MICAL3: variants seen among roughly 807,000 people sequenced by gnomAD.
The protein encoded by MICAL3 is [F-actin]-monooxygenase MICAL3.
Under a neutral mutation model 207.4 loss-of-function variants are expected in MICAL3, and 62 were observed. The ratio of observed to expected loss-of-function variants is 0.30; its 90% confidence interval spans 0.24 to 0.37. The LOEUF (loss-of-function observed/expected upper bound fraction) is 0.37, where lower values mean the gene tolerates loss of function less well. Ranked by LOEUF, MICAL3 falls within the 10% of genes least tolerant of loss-of-function variation. MICAL3 has a pLI of 1.00. For synonymous variants in MICAL3, 1,077 were observed against 1,069.3 expected (o/e 1.01, Z -0.14); for missense variants, 2,368 against 2,635.6 (o/e 0.90, Z 2.22).
chr22:17,980,971 A>G (rs774536597), intron 1 of MICAL3: 2 of 512,634 alleles, frequency 3.9e-6, no homozygotes, highest in South Asian at 2.9e-5. Context: ...TCATCTGTCT[A>G]TTGGTCCCCT....
intron 1 of MICAL3, among the ~76,000 whole-genome samples, chr22:18,000,542 C>G (rs1249258685): frequency 6.6e-6 from 1 of 152,212 alleles, no homozygotes; most frequent in African/African-American, 2.4e-5. Flanking sequence ...TCACCAGTGC[C>G]GCATGCCAGG....
chr22:17,999,369 C>T (rs374262940), intron 1 of MICAL3, among the ~76,000 whole-genome samples: 36 of 152,244 alleles, frequency 2.4e-4, no homozygotes, highest in African/African-American at 8.4e-4. Flanking sequence ...TAATCTACCA[C>T]AGAAATGTCT....
intron 23 of MICAL3, 82 bp downstream of exon 23, chr22:17,822,865 C>A (rs1488930839): frequency 6.6e-6 from 6 of 905,038 alleles, no homozygotes; most frequent in South Asian, 3.2e-5. Flanking sequence ...GGCGGCCTCA[C>A]TGAGCTTGAT....
At chr22:17,820,639 C>A (rs1018012835) in intron 25 of MICAL3, among the ~76,000 whole-genome samples, 3 of 152,266 alleles carry the variant, frequency 2.0e-5, no homozygotes, top group Admixed American at 1.3e-4. Context: ...CAGGCGTGAG[C>A]CACCGCGCCT....
chr22:17,886,062 C>T lies in MICAL3; in HGVS notation c.2068-11G>A. ...CCGAGGAGCTTCCTCCTGGTCAATGCCAACCCCAAAGAACCCGGCGCTGTG... is the reference window on the plus strand; with the variant it reads ...CCGAGGAGCTTCCTCCTGGTCAATGTCAACCCCAAAGAACCCGGCGCTGTG... On this transcript the variant is annotated splice_polypyrimidine_tract_variant and intron_variant, in intron 15 of 31. Transcript: ENST00000441493. 4 of 1,613,366 alleles carry T rather than the reference C, an allele frequency of 2.5e-6. No individual in the cohort carries two copies. Among genetic ancestry groups the T allele is most frequent in the Non-Finnish European group, 3.4e-6 (4 of 1,179,702 alleles).
intron 1 of MICAL3, among the ~76,000 whole-genome samples, chr22:17,937,578 GC>G (rs1933599919): frequency 6.6e-6 from 1 of 152,204 alleles, no homozygotes; most frequent in Admixed American, 6.5e-5. Flanking sequence ...CAGACGAATC[GC>G]TGGAACCCAG....
chr22:17,948,334 T>TC (rs1934172474), intron 1 of MICAL3, among the ~76,000 whole-genome samples: 1 of 152,182 alleles, frequency 6.6e-6, no homozygotes, highest in African/African-American at 2.4e-5. Context: ...CCCAGAACGG[T>TC]CACTTTGGTG....
chr22:17,872,385 T>C (rs893716260), intron 16 of MICAL3, among the ~76,000 whole-genome samples: 3 of 150,874 alleles, frequency 2.0e-5, no homozygotes, highest in African/African-American at 7.3e-5. Flanking sequence ...GAAAGAGCAA[T>C]GGAGGGAGAG....
intron 1 of MICAL3, among the ~76,000 whole-genome samples, chr22:17,965,096 C>T (rs1314859805): frequency 2.6e-5 from 4 of 151,898 alleles, no homozygotes; most frequent in African/African-American, 9.7e-5. Flanking sequence ...ATCCATGCAT[C>T]CGCTGCTCTC....
At chr22:17,792,696 T>C (rs529152603) in intron 29 of MICAL3, among the ~76,000 whole-genome samples, 3 of 152,326 alleles carry the variant, frequency 2.0e-5, no homozygotes, top group South Asian at 4.1e-4. Context: ...AAGCAGGGGT[T>C]AGTGTCTGTA....
At chr22:17,980,809 C>T (rs996782188) in intron 1 of MICAL3, 3 of 496,214 alleles carry the variant, frequency 6.0e-6, no homozygotes, top group Non-Finnish European at 1.3e-5. Flanking sequence ...TGCTCCTCTG[C>T]CTCAGCCTCG....
intron 16 of MICAL3, among the ~76,000 whole-genome samples, chr22:17,877,833 C>T (rs1929016011): frequency 1.3e-5 from 2 of 152,184 alleles, no homozygotes; most frequent in South Asian, 2.1e-4. Context: ...ATTCAACATG[C>T]TCCCCTCCCT....
chr22:17,809,068 C>T (rs1244980589), intron 28 of MICAL3, 131 bp from the exon 29 acceptor site: 18 of 748,210 alleles, frequency 2.4e-5, no homozygotes, highest in Non-Finnish European at 3.2e-5. Context: ...GTGGGCGGTG[C>T]GCTCAGGGTG....
intron 11 of MICAL3, 86 bp downstream of exon 11, chr22:17,893,722 C>T (rs1239104895): frequency 1.7e-5 from 17 of 1,015,694 alleles, no homozygotes; most frequent in Non-Finnish European, 2.1e-5. Flanking sequence ...GCCACTGCCT[C>T]GGACCGCACC....
chr22:17,830,537 TG>T (rs1349433572), intron 21 of MICAL3, among the ~76,000 whole-genome samples: 1 of 152,200 alleles, frequency 6.6e-6, no homozygotes, highest in East Asian at 1.9e-4. Context: ...TGACGATGTC[TG>T]GAACAGTGCA....
intron 19 of MICAL3, chr22:17,860,394 C>T: frequency 1.0e-6 from 1 of 985,454 alleles, no homozygotes; most frequent in Non-Finnish European, 1.2e-6. Flanking sequence ...TTCCTTGGCA[C>T]AGCTAATCCT....
Position 17,841,772 on chromosome 22 carries a change from G to C in MICAL3, c.2801+50C>G. 6.6e-7 allele frequency: 1 copy of C among 1,521,078 alleles called. No individual in the cohort carries two copies. The highest frequency in any genetic ancestry group is 1.4e-5 in the African/African-American group (1 of 72,692). 94.2% of individuals were successfully genotyped at this position (1,521,078 alleles called of 1,614,324 possible). ...AACCGAGACACACAGAGGTGAGGAGGCTCTTAGGGCCGTGTGGCGGGTGGG... is the reference window on the plus strand; with the variant it reads ...AACCGAGACACACAGAGGTGAGGAGCCTCTTAGGGCCGTGTGGCGGGTGGG... On this transcript the variant is annotated intron_variant, in intron 20 of 31. Transcript: ENST00000441493. The surrounding 1 kb of genome is among the most constrained non-coding windows in gnomAD (Gnocchi z 4.2).
intron 1 of MICAL3, among the ~76,000 whole-genome samples, chr22:17,989,006 C>T (rs1212353639): frequency 6.6e-6 from 1 of 152,130 alleles, no homozygotes; most frequent in Non-Finnish European, 1.5e-5. Context: ...AACAAATTTG[C>T]TGACTCCTCC....
intron 1 of MICAL3, chr22:17,983,409 C>A (rs1439578081): frequency 6.7e-6 from 1 of 149,028 alleles, no homozygotes; most frequent in Non-Finnish European, 1.5e-5. Context: ...TATGGGCACA[C>A]TCATCTCTAC....
Sources: gnomAD v4.1 joint callset for allele counts (sites outside exome capture counted in the v4.1 genomes callset) on GRCh38, gnomAD v4.1.1 for gene constraint, Gnocchi (gnomAD v3.1) non-coding constraint, MANE v1.5 for transcripts, NCBI Gene and HGNC (gene_info 2026-07-23, HGNC 2026-07-21) for gene names.